Variants in DAAM1 observed in about 807,000 individuals in gnomAD.
The protein encoded by DAAM1 is dishevelled associated activator of morphogenesis 1.
DAAM1 carries 52 observed loss-of-function variants against 130.0 expected under a neutral mutation model. That is an observed-to-expected ratio of 0.40 (90% CI 0.32 to 0.50). The LOEUF is 0.50. DAAM1 is among the 20% of genes least tolerant of loss of function. DAAM1 has a pLI of 0.61. For missense variants in DAAM1, 1,134 were observed against 1,303.8 expected, an observed-to-expected ratio of 0.87 and a Z score of 2.01; for synonymous variants, 452 against 444.5, an observed-to-expected ratio of 1.02 and a Z score of -0.21.
At chr14:59,340,813 GGCATTTCAAATA>G (rs1397058995) in intron 16 of DAAM1, among the ~76,000 whole-genome samples, 6 of 152,124 alleles carry the variant, frequency 3.9e-5, no homozygotes, top group Non-Finnish European at 8.8e-5. Flanking sequence ...GGTTTTTCTG[GGCATTTCAAATA>G]GCTTTTCTGT....
At chr14:59,298,856 C>T (rs1884060122) in intron 3 of DAAM1, among the ~76,000 whole-genome samples, 1 of 152,192 alleles carries the variant, frequency 6.6e-6, no homozygotes, top group South Asian at 2.1e-4. Flanking sequence ...CTACAACCAC[C>T]CCTGCCTTGT....
At chr14:59,213,349 CAAAAA>C (rs35496333) in intron 1 of DAAM1, among the ~76,000 whole-genome samples, 5 of 69,976 alleles carry the variant, frequency 7.1e-5, no homozygotes, top group East Asian at 4.4e-4. Flanking sequence ...CACAGCTTAC[CAAAAA>C]AAAAAAAAAA....
At chr14:59,263,819 C>A (rs547934487) in intron 2 of DAAM1, 159 bp downstream of exon 2, 3 of 873,902 alleles carry the variant, frequency 3.4e-6, no homozygotes, top group Non-Finnish European at 5.4e-6. Context: ...AGCACTAAAC[C>A]TGTGGAGAAG....
chr14:59,244,850 T>C (rs1239007758), intron 1 of DAAM1, among the ~76,000 whole-genome samples: 1 of 152,172 alleles, frequency 6.6e-6, no homozygotes, highest in Non-Finnish European at 1.5e-5. Flanking sequence ...TACGTGACAC[T>C]ACCCAGTGAG....
At chr14:59,191,302 T>G (rs1160026668) in intron 1 of DAAM1, among the ~76,000 whole-genome samples, 1 of 152,130 alleles carries the variant, frequency 6.6e-6, no homozygotes, top group Non-Finnish European at 1.5e-5. Flanking sequence ...TACCATTAAA[T>G]GAAAATTTCC....
chr14:59,223,359 T>C (rs958326748), intron 1 of DAAM1, among the ~76,000 whole-genome samples: 13 of 152,192 alleles, frequency 8.5e-5, no homozygotes, highest in Admixed American at 7.2e-4. Context: ...CATGATTAAG[T>C]GCTCATTTTC....
intron 1 of DAAM1, among the ~76,000 whole-genome samples, chr14:59,192,357 T>G (rs1887759608): frequency 6.6e-6 from 1 of 152,198 alleles, no homozygotes; most frequent in Non-Finnish European, 1.5e-5. Context: ...TGAAAACACT[T>G]TAAAGTTGCA....
rs1566656869 is a variant in DAAM1 at position 59,225,019 on chromosome 14, G to GGTTTTT, written c.-38+36251_-38+36252insGTTTTT. Among the ~76,000 whole-genome samples, 17 of 90,784 alleles carry GGTTTTT rather than the reference G, an allele frequency of 1.9e-4. 2 individuals carry two copies. The highest frequency in any genetic ancestry group is 4.7e-4 in the African/African-American group (10 of 21,418). 59.6% of individuals were successfully genotyped at this position (90,784 alleles called of 152,430 possible). A position where few individuals can be genotyped will look rare whatever the true frequency, so the allele number is the denominator to read the frequency against. ...GACTGTAAGAAATAAATCTGTGTGG[G>GGTTTTT]TTTTTTTTTTTTTTTTTTTTTTTTT... On this transcript the variant is annotated intron_variant, in intron 1 of 24. Coordinates refer to ENST00000360909, the MANE Select transcript of DAAM1 (RefSeq NM_001270520.2).
intron 1 of DAAM1, among the ~76,000 whole-genome samples, chr14:59,258,226 G>A (rs913044524): frequency 2.0e-5 from 3 of 152,172 alleles, no homozygotes; most frequent in Non-Finnish European, 4.4e-5. Flanking sequence ...ATGGGCTGGG[G>A]CAGCTGTTGT....
chr14:59,312,039 T>C (rs1373293314), intron 3 of DAAM1, among the ~76,000 whole-genome samples: 1 of 152,184 alleles, frequency 6.6e-6, no homozygotes, highest in Admixed American at 6.6e-5. Context: ...GTTTGTTAAT[T>C]CAAACAGTGC....
intron 2 of DAAM1, among the ~76,000 whole-genome samples, chr14:59,278,080 T>C (rs1019205443): frequency 2.4e-4 from 36 of 152,266 alleles, no homozygotes; most frequent in Non-Finnish European, 3.5e-4. Flanking sequence ...GTTATAACAA[T>C]AGGTTGTAAT....
At position 59,314,278 on chromosome 14, in the gene DAAM1, C is replaced by G. The variant is rs533831278; in HGVS notation, c.274-1002C>G. ...GTGTGTACATGGCATAACATCTTCT[C>G]CACTAGGGTGGGATATCCATTGTCC... On this transcript the variant is annotated intron_variant, in intron 3 of 24. Transcript: ENST00000360909. 3.9e-5 allele frequency among the ~76,000 whole-genome samples: 6 copies of G among 152,302 alleles called. No homozygotes were observed. The South Asian group carries it at 8.3e-4, about 21-fold the overall frequency.
intron 17 of DAAM1, among the ~76,000 whole-genome samples, chr14:59,352,146 C>T (rs4901919): frequency 1.3e-5 from 2 of 151,954 alleles, no homozygotes; most frequent in African/African-American, 4.8e-5. Context: ...TCACTACCCA[C>T]ACTTGCTTTG....
intron 2 of DAAM1, among the ~76,000 whole-genome samples, chr14:59,277,928 C>G (rs1170926792): frequency 6.6e-6 from 1 of 152,134 alleles, no homozygotes; most frequent in African/African-American, 2.4e-5. Context: ...ACCCTCCCCT[C>G]CCCTGTGGAT....
chr14:59,347,573 A>G lies in DAAM1; in HGVS notation c.2110A>G (p.Ile704Val), dbSNP rs746060506. Residue 704 changes from isoleucine (I) to valine (V), a missense_variant, in exon 17 of 25, where the codon ATT becomes GTT. Physicochemically the swap from Ile to Val is conservative, Grantham distance 29. Around this residue, in one of 3 missense-constraint regions of DAAM1, gnomAD observed 644 missense variants for 695.9 expected, o/e 0.93. Coordinates refer to ENST00000360909, the MANE Select transcript of DAAM1 (RefSeq NM_001270520.2). ...ATCCAATGACGAAATCAAACGGGCA[A>G]TTCTAACAATGGACGAACAGGAAGA... ...KLSNDEIKRAILTMDEQEDLP... is the reference protein window; with the variant it reads ...KLSNDEIKRAVLTMDEQEDLP... The G allele has an allele frequency of 6.2e-6, 10 of 1,613,854 alleles. No individual in the cohort carries two copies. Among genetic ancestry groups the G allele is most frequent in the South Asian group, 3.3e-5 (3 of 91,064 alleles).
At chr14:59,331,156 C>A (rs1042136278) in intron 13 of DAAM1, 53 bp from the exon 14 acceptor site, 3 of 1,592,716 alleles carry the variant, frequency 1.9e-6, no homozygotes, top group African/African-American at 2.7e-5. Flanking sequence ...TTAAATCATT[C>A]AATGAATTTA....
At chr14:59,195,395 G>A (rs1887857835) in intron 1 of DAAM1, among the ~76,000 whole-genome samples, 1 of 151,872 alleles carries the variant, frequency 6.6e-6, no homozygotes, top group South Asian at 2.1e-4. Flanking sequence ...CGCCTGCCTC[G>A]GCCTCCCAAA....
At chr14:59,205,396 T>C (rs1218291456) in intron 1 of DAAM1, among the ~76,000 whole-genome samples, 1 of 152,220 alleles carries the variant, frequency 6.6e-6, no homozygotes, top group Non-Finnish European at 1.5e-5. Context: ...TTAAAGTTCT[T>C]ACAGAAAATA....
intron 12 of DAAM1, among the ~76,000 whole-genome samples, chr14:59,329,046 A>G (rs1458300841): frequency 6.6e-6 from 1 of 152,132 alleles, no homozygotes; most frequent in Non-Finnish European, 1.5e-5. Context: ...GGAAGTGCTC[A>G]ATAAAAGCTT....
Sources: allele counts gnomAD v4.1 joint callset (sites outside exome capture counted in the v4.1 genomes callset), GRCh38; gene constraint gnomAD v4.1.1; regional missense constraint gnomAD v4.1.1; transcripts MANE v1.5; gene names NCBI Gene and HGNC (gene_info 2026-07-23, HGNC 2026-07-21).